SYNE1: variants seen among roughly 807,000 people sequenced by gnomAD.
SYNE1 encodes spectrin repeat containing nuclear envelope protein 1.
Under a neutral mutation model 1,111.0 loss-of-function variants are expected in SYNE1, and 616 were observed. That is an observed-to-expected ratio of 0.55 (90% CI 0.52 to 0.59). SYNE1 has a LOEUF of 0.59. Among genes scored for constraint, SYNE1 ranks in the 20% least tolerant of loss-of-function variants. The pLI is 0.00. For synonymous variants in SYNE1, 3,855 were observed against 3,825.8 expected, an observed-to-expected ratio of 1.01 and a Z score of -0.28; for missense variants, 10,006 against 10,417.0, an observed-to-expected ratio of 0.96 and a Z score of 1.72.
At position 152,376,537 on chromosome 6, in the gene SYNE1, C is replaced by T. The variant is rs1160402128; in HGVS notation, c.9168G>A (p.Lys3056=). 4.3e-6 allele frequency: 7 copies of T among 1,613,798 alleles called. No homozygotes were observed. Among genetic ancestry groups the T allele is most frequent in the Non-Finnish European group, 5.9e-6 (7 of 1,180,032 alleles). ...EYNCLCLQAS[K]GCQNKEQILQ... is the part of the protein sequence containing the mutation. Reference sequence around the variant, plus strand: ...AAATCTGTTCTTTATTCTGGCAGCCCTTGGATGCTTGCAAACAAAGACTGA... The same window carrying T: ...AAATCTGTTCTTTATTCTGGCAGCCTTTGGATGCTTGCAAACAAAGACTGA... The change falls in exon 58 of 146, where the codon AAG becomes AAA. Residue 3056 remains lysine, a synonymous_variant. Transcript: ENST00000367255.
At position 152,221,457 on chromosome 6, in the gene SYNE1, G is replaced by C; in HGVS notation, c.21625C>G (p.Leu7209Val). ...KECHPPVTET[L>V]TNTLKEVNMR... ...TTGACTTCTTTCAGTGTATTGGTAAGAGTTTCTGTCACGGGTGGGTGACAC... is the reference window on the plus strand; with the variant it reads ...TTGACTTCTTTCAGTGTATTGGTAACAGTTTCTGTCACGGGTGGGTGACAC... The change falls in exon 118 of 146, where the codon CTT becomes GTT. Residue 7209 changes from leucine (L) to valine (V), a missense_variant. By Grantham distance (32) the Leu-to-Val change is conservative. This residue lies in a region of SYNE1 where 2,182 missense variants were observed against 2,287.8 expected (regional missense o/e 0.95). Transcript: ENST00000367255. The C allele has an allele frequency of 1.2e-6, 2 of 1,613,868 alleles. No individual in the cohort carries two copies. Among genetic ancestry groups the C allele is most frequent in the Non-Finnish European group, 1.7e-6 (2 of 1,179,926 alleles).
rs972838149 is a variant in SYNE1 at position 152,133,640 on chromosome 6, G to T, written c.25789-152C>A. ...CACACTAAAGGATGCAGCAGCTCACGGCCTGAGTTCTAATCCTGCCTCTGC... is the reference window on the plus strand; with the variant it reads ...CACACTAAAGGATGCAGCAGCTCACTGCCTGAGTTCTAATCCTGCCTCTGC... On this transcript the variant is annotated intron_variant, in intron 142 of 145. Transcript: ENST00000367255. 4 of 769,150 alleles carry T rather than the reference G, an allele frequency of 5.2e-6. No individual in the cohort carries two copies. In the East Asian group the frequency reaches 1.1e-4, roughly 21 times the overall value. 47.6% of individuals were successfully genotyped at this position (769,150 alleles called of 1,614,324 possible).
At position 152,316,998 on chromosome 6, in the gene SYNE1, G is replaced by A; in HGVS notation, c.16573-12C>T. 2 of 1,613,494 alleles carry A rather than the reference G, an allele frequency of 1.2e-6. No homozygotes were observed. The highest frequency in any genetic ancestry group is 1.7e-6 in the Non-Finnish European group (2 of 1,179,942). On this transcript the variant is annotated splice_polypyrimidine_tract_variant and intron_variant, in intron 86 of 145. Transcript: ENST00000367255. Reference sequence around the variant, plus strand: ...AAATGTGATGCTGCCTGAAAAACCAGTAACATTAATGTAACAAATGTAAAC... The same window carrying A: ...AAATGTGATGCTGCCTGAAAAACCAATAACATTAATGTAACAAATGTAAAC...
Position 152,453,625 on chromosome 6 carries a change from C to G in SYNE1, c.2988G>C (p.Gly996=), listed in dbSNP as rs140644942. 4.5e-5 allele frequency: 72 copies of G among 1,614,090 alleles called. No homozygotes were observed. In the African/African-American group the frequency reaches 8.8e-4, roughly 20 times the overall value. Residue 996 remains glycine (G), a synonymous_variant, in exon 25 of 146, where the codon GGG becomes GGC. Transcript: ENST00000367255. ...GGAGCTTTCGAACAGCTTCCTGCAG[C>G]CCCTGCTGCTCCTGCTCTGGAAGGA... is the stretch of plus-strand genomic sequence containing the variant. The part of the protein sequence containing the change: ...TDILPEQEQQ[G]LQEAVRKLHK...
rs750181933 is a variant in SYNE1 at position 152,308,556 on chromosome 6, T to C, written c.17279A>G (p.Glu5760Gly). The C allele has an allele frequency of 6.2e-7, 1 of 1,614,000 alleles. No homozygotes were observed. Among genetic ancestry groups the C allele is most frequent in the South Asian group, 1.1e-5 (1 of 91,074 alleles). ...GGTGGCAACAGGTTTATCCTCAATC[T>C]CTCTGTGAGCTCCTTCTATCAGTTG... is the stretch of plus-strand genomic sequence containing the variant. ...LQQLIEGAHR[E>G]IEDKPVATSN... The change falls in exon 91 of 146, where the codon GAG becomes GGG. Residue 5760 changes from glutamate (E) to glycine (G), a missense_variant. Physicochemically the swap from Glu to Gly is moderately conservative, Grantham distance 98 (BLOSUM62 -2). Around this residue, in one of 7 missense-constraint regions of SYNE1, gnomAD observed 4,955 missense variants for 5,017.2 expected, o/e 0.99. Transcript: ENST00000367255.
rs79840385 is a variant in SYNE1 at position 152,335,022 on chromosome 6, C to T, written c.12529-749G>A. On this transcript the variant is annotated intron_variant, in intron 76 of 145. Transcript: ENST00000367255. The stretch of plus-strand genomic sequence containing the variant: ...TGGAAAGGCAATGGTTTAGATTCAT[C>T]TACTCCCTGCATACACAGCAAAAAG... 3.3e-5 allele frequency among the ~76,000 whole-genome samples: 5 copies of T among 152,316 alleles called. No homozygotes were observed. In the East Asian group the frequency reaches 9.6e-4, roughly 29 times the overall value.
At chr6:152,236,441 A>T in intron 109 of SYNE1, 138 bp from the exon 110 acceptor site, 1 of 699,604 alleles carries the variant, frequency 1.4e-6, no homozygotes, top group Non-Finnish European at 2.4e-6. Flanking sequence ...TAACATTGAA[A>T]ACTTTAAGAT....
intron 127 of SYNE1, among the ~76,000 whole-genome samples, chr6:152,193,030 T>C (rs1490464424): frequency 6.6e-6 from 1 of 152,184 alleles, no homozygotes; most frequent in Non-Finnish European, 1.5e-5. Flanking sequence ...AGTCACTCAA[T>C]GTCTTCTGAG....
At chr6:152,310,072 A>C in intron 89 of SYNE1, 55 bp from the exon 90 acceptor site, 1 of 1,551,882 alleles carries the variant, frequency 6.4e-7, no homozygotes, top group African/African-American at 1.4e-5. Flanking sequence ...TTTATTTCAT[A>C]AGCAAAAGGC....
At chr6:152,574,196 A>G (rs2099486731) in intron 3 of SYNE1, among the ~76,000 whole-genome samples, 1 of 99,096 alleles carries the variant, frequency 1.0e-5, no homozygotes, top group South Asian at 3.0e-4. Context: ...ATACACATAA[A>G]TATATACATA....
intron 17 of SYNE1, among the ~76,000 whole-genome samples, chr6:152,465,766 T>TACACACAC (rs71017538): frequency 1.5e-5 from 2 of 133,358 alleles, no homozygotes; most frequent in Non-Finnish European, 3.3e-5. Flanking sequence ...GAAGAACACA[T>TACACACAC]ACACACACAC....
chr6:152,411,155 C>A (rs565532771), intron 42 of SYNE1, among the ~76,000 whole-genome samples: 14 of 152,162 alleles, frequency 9.2e-5, no homozygotes, highest in Admixed American at 2.6e-4. Flanking sequence ...GTTCTAGTAC[C>A]ATTTATTGAA....
At chr6:152,233,648 C>G in intron 112 of SYNE1, 133 bp downstream of exon 112, 1 of 1,128,292 alleles carries the variant, frequency 8.9e-7, no homozygotes, top group South Asian at 1.4e-5. Flanking sequence ...AATATTAATA[C>G]AACGGGAGAG....
chr6:152,346,701 T>G (rs948834927), intron 73 of SYNE1, among the ~76,000 whole-genome samples: 3 of 151,022 alleles, frequency 2.0e-5, no homozygotes, highest in Admixed American at 1.3e-4. Context: ...TCCCAGCTAC[T>G]CGGGAGGCTG....
intron 91 of SYNE1, among the ~76,000 whole-genome samples, chr6:152,304,332 A>G (rs1350818661): frequency 6.6e-6 from 1 of 151,928 alleles, no homozygotes; most frequent in Non-Finnish European, 1.5e-5. Context: ...CTTTTTTATT[A>G]TTTTATTTTA....
rs1395580018 is a variant in SYNE1 at position 152,629,763 on chromosome 6, C to T, written c.-223-1209G>A. Among the ~76,000 whole-genome samples the T allele has an allele frequency of 2.0e-5, 3 of 151,754 alleles. 1 individual carries two copies. Among genetic ancestry groups the T allele is most frequent in the Admixed American group, 6.6e-5 (1 of 15,236 alleles). On this transcript the variant is annotated intron_variant, in intron 2 of 145. Coordinates refer to ENST00000367255, the MANE Select transcript of SYNE1 (RefSeq NM_182961.4). ...CGAAGAGGCCCACAGGGAGGTGATA[C>T]TTGATTACAGTTCCCATTGCATTTC...
At chr6:152,454,331 A>G (rs2098678032) in intron 24 of SYNE1, among the ~76,000 whole-genome samples, 1 of 152,174 alleles carries the variant, frequency 6.6e-6, no homozygotes, top group Admixed American at 6.5e-5. Flanking sequence ...TTAGGTTCAG[A>G]TGAGGTCATG....
At chr6:152,138,672 C>A (rs959607239) in intron 140 of SYNE1, among the ~76,000 whole-genome samples, 13 of 152,086 alleles carry the variant, frequency 8.5e-5, no homozygotes, top group Admixed American at 2.6e-4. Context: ...CATTCCTTAT[C>A]CTGACCCCGG....
At chr6:152,217,109 T>C (rs2078919276) in intron 121 of SYNE1, among the ~76,000 whole-genome samples, 1 of 125,618 alleles carries the variant, frequency 8.0e-6, no homozygotes, top group Non-Finnish European at 1.7e-5. Context: ...TTTTTTTTTT[T>C]TTTTTAAAAA....
Sources: allele counts gnomAD v4.1 joint callset (sites outside exome capture counted in the v4.1 genomes callset), GRCh38; gene constraint gnomAD v4.1.1; regional missense constraint gnomAD v4.1.1; transcripts MANE v1.5; gene names NCBI Gene and HGNC (gene_info 2026-07-23, HGNC 2026-07-21).